Variants in ZFAND4 observed in about 807,000 individuals in gnomAD.
ZFAND4 encodes AN1-type zinc finger protein 4.
A neutral mutation model predicts 64.4 loss-of-function variants in ZFAND4; 43 were observed. That is an observed-to-expected ratio of 0.67 (90% CI 0.52 to 0.86). The LOEUF (loss-of-function observed/expected upper bound fraction) is 0.86. ZFAND4 is among the 40% of genes least tolerant of loss of function. The pLI, the probability that ZFAND4 is intolerant of heterozygous loss-of-function variation, is 0.00. For synonymous variants in ZFAND4, 296 were observed against 305.7 expected, an observed-to-expected ratio of 0.97 and a Z score of 0.33; for missense variants, 929 against 859.8, an observed-to-expected ratio of 1.08 and a Z score of -1.01.
intron 4 of ZFAND4, chr10:45,651,205 A>G (rs1324224926): frequency 6.0e-6 from 1 of 166,232 alleles, no homozygotes; most frequent in Non-Finnish European, 1.3e-5. Context: ...TTCATGTGAC[A>G]TACCTGACTC....
At chr10:45,655,664 A>G (rs1030831608) in intron 2 of ZFAND4, among the ~76,000 whole-genome samples, 5 of 152,260 alleles carry the variant, frequency 3.3e-5, no homozygotes, top group South Asian at 4.1e-4. Context: ...CTCACTGAGA[A>G]ATAAAAATGG....
At chr10:45,635,491 T>C (rs1469481769) in intron 6 of ZFAND4, among the ~76,000 whole-genome samples, 1 of 152,064 alleles carries the variant, frequency 6.6e-6, no homozygotes, top group Non-Finnish European at 1.5e-5. Context: ...ATTAGACCCC[T>C]TATCTTTTAC....
At chr10:45,628,493 G>C (rs1384433908) in intron 6 of ZFAND4, among the ~76,000 whole-genome samples, 1 of 152,160 alleles carries the variant, frequency 6.6e-6, no homozygotes, top group Non-Finnish European at 1.5e-5. Flanking sequence ...ATTTTTAGTA[G>C]AGATGGGGTT....
intron 2 of ZFAND4, among the ~76,000 whole-genome samples, chr10:45,656,126 G>C (rs1241103900): frequency 3.9e-5 from 6 of 152,190 alleles, no homozygotes; most frequent in Non-Finnish European, 8.8e-5. Context: ...AGCTACTTGG[G>C]AGGCTGAGGC....
intron 9 of ZFAND4, chr10:45,617,690 T>A (rs1298100046): frequency 6.7e-6 from 1 of 150,026 alleles, no homozygotes; most frequent in Non-Finnish European, 1.5e-5. Context: ...TGACATAACA[T>A]CCTTGGAGGA....
chr10:45,633,604 ACT>A (rs903602096), intron 6 of ZFAND4, among the ~76,000 whole-genome samples: 3 of 151,946 alleles, frequency 2.0e-5, no homozygotes, highest in African/African-American at 7.2e-5. Context: ...ATATTAAAAT[ACT>A]CTTGGACTAA....
chr10:45,631,279 T>C (rs1465626152), intron 6 of ZFAND4, among the ~76,000 whole-genome samples: 1 of 138,360 alleles, frequency 7.2e-6, no homozygotes, highest in Non-Finnish European at 1.5e-5. Context: ...ATCATGCCAC[T>C]GCACTCCAGC....
intron 6 of ZFAND4, among the ~76,000 whole-genome samples, chr10:45,636,742 G>C (rs1292766485): frequency 6.6e-6 from 1 of 152,136 alleles, no homozygotes; most frequent in Non-Finnish European, 1.5e-5. Flanking sequence ...TGCTGTTTTG[G>C]GTAGAGCATA....
At chr10:45,668,608 C>T (rs911215893) in intron 1 of ZFAND4, among the ~76,000 whole-genome samples, 1 of 152,180 alleles carries the variant, frequency 6.6e-6, no homozygotes, top group African/African-American at 2.4e-5. Context: ...CTTCTCAGCA[C>T]CACATCGCAC....
intron 5 of ZFAND4, chr10:45,640,316 T>C (rs2046896446): frequency 2.4e-6 from 3 of 1,249,104 alleles, no homozygotes; most frequent in Non-Finnish European, 3.1e-6. Flanking sequence ...GGCTGATAAT[T>C]GTGCAACCCA....
intron 6 of ZFAND4, among the ~76,000 whole-genome samples, chr10:45,631,067 C>CTA (rs2046180443): frequency 6.6e-6 from 1 of 151,870 alleles, no homozygotes; most frequent in Non-Finnish European, 1.5e-5. Flanking sequence ...GTCTGTAATC[C>CTA]TAGCACTTTG....
chr10:45,627,178 G>T, intron 6 of ZFAND4, 73 bp from the exon 7 acceptor site: 1 of 1,261,398 alleles, frequency 7.9e-7, no homozygotes, highest in South Asian at 1.7e-5. Flanking sequence ...AGCGAAGGAA[G>T]AAAATGTTAC....
chr10:45,642,376 G>A (rs1210505822), intron 5 of ZFAND4, among the ~76,000 whole-genome samples: 1 of 152,070 alleles, frequency 6.6e-6, no homozygotes, highest in Non-Finnish European at 1.5e-5. Context: ...GGGAGGCCGA[G>A]GCGGGTGGAT....
intron 6 of ZFAND4, among the ~76,000 whole-genome samples, chr10:45,634,314 A>G (rs2133641284): frequency 6.6e-6 from 1 of 152,110 alleles, no homozygotes; most frequent in South Asian, 2.1e-4. Context: ...CACGGGGTCA[A>G]GAGATCAAGA....
intron 2 of ZFAND4, among the ~76,000 whole-genome samples, chr10:45,657,704 G>A (rs1232876765): frequency 6.6e-6 from 1 of 151,936 alleles, no homozygotes; most frequent in Admixed American, 6.6e-5. Flanking sequence ...CCTCAACTTG[G>A]GAATGAGTAA....
chr10:45,642,049 A>G (rs1409566940), intron 5 of ZFAND4, among the ~76,000 whole-genome samples: 1 of 152,192 alleles, frequency 6.6e-6, no homozygotes, highest in Non-Finnish European at 1.5e-5. Flanking sequence ...AAGGCCAACT[A>G]TACAATACCT....
intron 8 of ZFAND4, among the ~76,000 whole-genome samples, chr10:45,621,422 A>T (rs2045412298): frequency 7.8e-6 from 1 of 128,584 alleles, no homozygotes; most frequent in Non-Finnish European, 1.6e-5. Context: ...AGGGCTGGTT[A>T]AAAAAAAAAA....
chr10:45,631,844 A>G (rs1589286566), intron 6 of ZFAND4, among the ~76,000 whole-genome samples: 1 of 152,210 alleles, frequency 6.6e-6, no homozygotes, highest in Admixed American at 6.5e-5. Context: ...TTACGTATCA[A>G]TGAAAATAGG....
At chr10:45,632,385 G>T (rs76549378) in intron 6 of ZFAND4, among the ~76,000 whole-genome samples, 9,089 of 152,010 alleles carry the variant, frequency 0.06, 394 homozygotes, top group African/African-American at 0.12. Flanking sequence ...AAATAAAAAG[G>T]ATGGAATAAA....
Sources: gnomAD v4.1 joint callset for allele counts (sites outside exome capture counted in the v4.1 genomes callset) on GRCh38, gnomAD v4.1.1 for gene constraint, MANE v1.5 for transcripts, NCBI Gene and HGNC (gene_info 2026-07-23, HGNC 2026-07-21) for gene names.